CLVS1: variants seen among roughly 807,000 people sequenced by gnomAD.
CLVS1 encodes clavesin 1.
In CLVS1, 10 loss-of-function variants were observed where a neutral mutation model predicts 33.1. The observed-to-expected ratio is 0.30, with a 90% CI of 0.19 to 0.51. CLVS1 has a LOEUF of 0.51. Ranked by LOEUF, CLVS1 falls within the 20% of genes least tolerant of loss-of-function variation. The pLI is 0.97. For synonymous variants in CLVS1, 163 were observed against 166.1 expected, an observed-to-expected ratio of 0.98 and a Z score of 0.14; for missense variants, 343 against 433.4, an observed-to-expected ratio of 0.79 and a Z score of 1.85.
intron 3 of CLVS1, among the ~76,000 whole-genome samples, chr8:61,387,769 G>A (rs1234461750): frequency 1.3e-5 from 2 of 152,070 alleles, no homozygotes; most frequent in Non-Finnish European, 2.9e-5. Flanking sequence ...TTAGAATAAT[G>A]GTCTTTAATT....
chr8:61,209,912 T>C (rs914426966), intron 2 of CLVS1, among the ~76,000 whole-genome samples: 1 of 152,226 alleles, frequency 6.6e-6, no homozygotes, highest in African/African-American at 2.4e-5. Context: ...TGATGGGATG[T>C]AACTCCCATG....
At chr8:61,164,025 G>A (rs113810817) in intron 2 of CLVS1, among the ~76,000 whole-genome samples, 27 of 152,300 alleles carry the variant, frequency 1.8e-4, no homozygotes, top group African/African-American at 6.0e-4. Context: ...GCTCGAATGC[G>A]TGGGGTTTAT....
At chr8:61,361,808 G>T (rs1812992475) in intron 2 of CLVS1, among the ~76,000 whole-genome samples, 2 of 152,082 alleles carry the variant, frequency 1.3e-5, no homozygotes, top group Admixed American at 6.6e-5. Context: ...TAAAAGAAAT[G>T]GTATATACTG....
chr8:61,322,644 A>G (rs1052996864), intron 2 of CLVS1, among the ~76,000 whole-genome samples: 4 of 152,156 alleles, frequency 2.6e-5, no homozygotes, highest in Non-Finnish European at 4.4e-5. Context: ...ACTGAAATGG[A>G]AAGATAGGGC....
At chr8:61,154,180 C>T (rs1806603258) in intron 2 of CLVS1, among the ~76,000 whole-genome samples, 1 of 151,728 alleles carries the variant, frequency 6.6e-6, no homozygotes, top group East Asian at 1.9e-4. Flanking sequence ...ACTGTTCACA[C>T]TATTAATATG....
At chr8:61,117,415 A>C (rs1405548731) in intron 1 of CLVS1, among the ~76,000 whole-genome samples, 1 of 151,916 alleles carries the variant, frequency 6.6e-6, no homozygotes, top group African/African-American at 2.4e-5. Flanking sequence ...TATGTTGAAT[A>C]GGAGTGGTGA....
chr8:61,153,363 G>A (rs994891093), intron 2 of CLVS1, among the ~76,000 whole-genome samples: 2 of 152,124 alleles, frequency 1.3e-5, no homozygotes, highest in Admixed American at 6.5e-5. Context: ...CTCAATGTTC[G>A]CAGGAAAGCA....
At chr8:61,046,362 A>G in the CLVS1 span, among the ~76,000 whole-genome samples, 1 of 145,094 alleles carries the variant, frequency 6.9e-6, no homozygotes, top group African/African-American at 2.7e-5. Context: ...CTGTTTTGGT[A>G]CCAGTACCAT....
At chr8:61,127,823 T>C (rs1003793668) in intron 1 of CLVS1, among the ~76,000 whole-genome samples, 5 of 152,228 alleles carry the variant, frequency 3.3e-5, no homozygotes, top group African/African-American at 1.2e-4. Flanking sequence ...ACACAGTCTG[T>C]CTATAAACCA....
chr8:61,206,751 G>C (rs916029863), intron 2 of CLVS1, among the ~76,000 whole-genome samples: 3 of 151,940 alleles, frequency 2.0e-5, no homozygotes, highest in African/African-American at 7.2e-5. Context: ...ACCACGCCCA[G>C]CTAATTTTTG....
At chr8:61,079,720 C>T (rs373751296) in intron 1 of CLVS1, among the ~76,000 whole-genome samples, 97 of 152,196 alleles carry the variant, frequency 6.4e-4, no homozygotes, top group African/African-American at 2.2e-3. Flanking sequence ...AAACATCTAC[C>T]TCTTCAAAAT....
intron 4 of CLVS1, among the ~76,000 whole-genome samples, chr8:61,457,578 A>G (rs922782417): frequency 1.3e-5 from 2 of 152,022 alleles, no homozygotes; most frequent in African/African-American, 4.8e-5. Context: ...TTGCAGCAAA[A>G]ATATCTCACG....
chr8:61,050,576 C>T, the CLVS1 span, among the ~76,000 whole-genome samples: 3 of 152,196 alleles, frequency 2.0e-5, no homozygotes, highest in Non-Finnish European at 4.4e-5. Flanking sequence ...GCCCAGGGCC[C>T]ATGTGCACAC....
intron 5 of CLVS1, among the ~76,000 whole-genome samples, chr8:61,467,084 T>A (rs1817573711): frequency 1.3e-5 from 2 of 152,134 alleles, no homozygotes; most frequent in South Asian, 4.1e-4. Context: ...TACATGTACA[T>A]ATATATATAA....
Position 61,063,260 on chromosome 8 carries a change from C to CGAGAGAGAGAGAGAGAGAGAGAGA in CLVS1, c.-243+6041_-243+6064dup, listed in dbSNP as rs555022524. Among the ~76,000 whole-genome samples the CGAGAGAGAGAGAGAGAGAGAGAGA allele has an allele frequency of 9.8e-5, 8 of 82,016 alleles. 1 individual carries two copies. Among genetic ancestry groups the CGAGAGAGAGAGAGAGAGAGAGAGA allele is most frequent in the Non-Finnish European group, 1.7e-4 (8 of 46,508 alleles). 53.8% of individuals were successfully genotyped at this position (82,016 alleles called of 152,430 possible). Reference sequence around the variant, plus strand: ...ATCTACACAGGAGAAAGTGAGGAAGCGAGAGAGAGAGAGAGAGAGAGAGAG... The same window carrying CGAGAGAGAGAGAGAGAGAGAGAGA: ...ATCTACACAGGAGAAAGTGAGGAAGCGAGAGAGAGAGAGAGAGAGAGAGAGAGAGAGAGAGAGAGAGAGAGAGAG... On this transcript the variant is annotated intron_variant, in intron 1 of 2. Transcript: ENST00000522621.
chr8:61,166,613 A>C lies in CLVS1; in HGVS notation c.-152+34753A>C, dbSNP rs147456766. Among the ~76,000 whole-genome samples, 39 of 152,024 alleles carry C rather than the reference A, an allele frequency of 2.6e-4. No individual in the cohort carries two copies. The East Asian group carries it at 7.3e-3, about 29-fold the overall frequency. On this transcript the variant is annotated intron_variant, in intron 2 of 2. Coordinates refer to the CLVS1 transcript ENST00000522621. The stretch of plus-strand genomic sequence containing the variant: ...CTGAGGTAAAAGAGAACTTTATGCT[A>C]AAAAAAATTTTTTTGATTAGTAATT...
At chr8:61,206,289 C>T (rs528896757) in intron 2 of CLVS1, among the ~76,000 whole-genome samples, 35 of 152,274 alleles carry the variant, frequency 2.3e-4, no homozygotes, top group African/African-American at 6.3e-4. Context: ...TCCCCACTAA[C>T]GTCATTAATC....
intron 2 of CLVS1, among the ~76,000 whole-genome samples, chr8:61,135,173 T>C (rs1806169766): frequency 3.3e-5 from 5 of 151,716 alleles, no homozygotes; most frequent in Admixed American, 3.3e-4. Context: ...AGGAAAATGC[T>C]ATATGGCAGC....
intron 5 of CLVS1, among the ~76,000 whole-genome samples, chr8:61,492,931 A>G (rs1364979406): frequency 6.6e-6 from 1 of 152,202 alleles, no homozygotes; most frequent in African/African-American, 2.4e-5. Flanking sequence ...TGAACAGAAG[A>G]ATACATGTCC....
Sources: gnomAD v4.1 joint callset for allele counts (sites outside exome capture counted in the v4.1 genomes callset) on GRCh38, gnomAD v4.1.1 for gene constraint, MANE v1.5 for transcripts, NCBI Gene and HGNC (gene_info 2026-07-23, HGNC 2026-07-21) for gene names.